Variants in PCDH15 observed in about 807,000 individuals in gnomAD.
The protein encoded by PCDH15 is protocadherin related 15, also known as protocadherin-15.
PCDH15 carries 129 observed loss-of-function variants against 178.5 expected under a neutral mutation model. The ratio of observed to expected loss-of-function variants is 0.72; its 90% CI spans 0.63 to 0.84. The LOEUF (loss-of-function observed/expected upper bound fraction) is 0.84. PCDH15 is among the 40% of genes least tolerant of loss of function. The pLI is 0.00. For missense variants in PCDH15, 2,230 were observed against 2,099.9 expected (o/e 1.06, Z -1.21); for synonymous variants, 800 against 732.0 (o/e 1.09, Z -1.50).
intron 2 of PCDH15, among the ~76,000 whole-genome samples, chr10:55,065,050 G>A (rs1267673906): frequency 6.6e-6 from 1 of 152,002 alleles, no homozygotes; most frequent in Non-Finnish European, 1.5e-5. Flanking sequence ...CAGCTAATTA[G>A]AAGGGCTGTC....
chr10:54,913,939 GAACT>G (rs1412444236), intron 2 of PCDH15, among the ~76,000 whole-genome samples: 2 of 152,152 alleles, frequency 1.3e-5, no homozygotes, highest in African/African-American at 4.8e-5. Flanking sequence ...CTGTATCTTA[GAACT>G]AACTATCTTG....
intron 2 of PCDH15, among the ~76,000 whole-genome samples, chr10:55,416,036 A>C (rs187026459): frequency 3.1e-5 from 4 of 129,456 alleles, no homozygotes; most frequent in African/African-American, 1.3e-4. Flanking sequence ...TTAAGGCAAA[A>C]AAACAAACAA....
Position 54,375,406 on chromosome 10 carries a change from C to A in PCDH15, c.318+3376G>T, listed in dbSNP as rs1948244628. Among the ~76,000 whole-genome samples, 5 of 152,072 alleles carry A rather than the reference C, an allele frequency of 3.3e-5. 1 individual carries two copies. The East Asian group carries it at 7.8e-4, about 24-fold the overall frequency. ...GGCAGAAACTAGAGACCATATGGTC[C>A]AAGACCAAGTAGTTTTCCTCTCTCC... is the stretch of plus-strand genomic sequence containing the variant. On this transcript the variant is annotated intron_variant, in intron 4 of 37. Transcript: ENST00000644397.
chr10:54,811,135 G>GTA (rs35181963), intron 3 of PCDH15, among the ~76,000 whole-genome samples: 16,393 of 150,816 alleles, frequency 0.11, 865 homozygotes, highest in Middle Eastern at 0.15. Context: ...AATATTATGT[G>GTA]TATATATATA....
At chr10:53,930,457 C>CAA (rs60673116) in intron 25 of PCDH15, among the ~76,000 whole-genome samples, 23 of 50,346 alleles carry the variant, frequency 4.6e-4, no homozygotes, top group African/African-American at 5.7e-4. Flanking sequence ...GACTCCCTCT[C>CAA]AAAAAAAAAA....
rs192151028 is a variant in PCDH15 at position 55,497,260 on chromosome 10, G to A, written c.-156+130365C>T. ...TTCTCCCACCTCAGCCTCCTGAGTA[G>A]CTAGGACTACAGGTGCACACCATGA... On this transcript the variant is annotated intron_variant, in intron 2 of 5. Transcript: ENST00000613346. Among the ~76,000 whole-genome samples the A allele has an allele frequency of 1.8e-3, 276 of 151,672 alleles. 2 individuals are homozygous for A. The highest frequency in any genetic ancestry group is 5.9e-3 in the African/African-American group (245 of 41,392).
At chr10:54,800,489 C>G (rs1385627764) in intron 1 of PCDH15, among the ~76,000 whole-genome samples, 1 of 152,124 alleles carries the variant, frequency 6.6e-6, no homozygotes, top group Non-Finnish European at 1.5e-5. Context: ...CCAACTATAA[C>G]CTCCAGCAAC....
In PCDH15 at chr10:55,062,317, A is replaced by C. The variant is rs543445177; in HGVS notation, c.-80+104259T>G. 7.2e-5 allele frequency among the ~76,000 whole-genome samples: 11 copies of C among 152,314 alleles called. No homozygotes were observed. In the East Asian group the frequency reaches 2.1e-3, roughly 29 times the overall value. On this transcript the variant is annotated intron_variant, in intron 2 of 5. Coordinates refer to the PCDH15 transcript ENST00000458638. ...CAGAAAGCTGGTCCCACTGACATCA[A>C]ATCTGCTGTTACCTTTATCTTGGAC...
intron 3 of PCDH15, among the ~76,000 whole-genome samples, chr10:54,877,164 T>C (rs1437580445): frequency 6.6e-6 from 1 of 152,174 alleles, no homozygotes; most frequent in Non-Finnish European, 1.5e-5. Flanking sequence ...AGGTATTTTC[T>C]AAATTAAAGA....
At chr10:54,881,639 T>C (rs1336071605) in intron 3 of PCDH15, among the ~76,000 whole-genome samples, 1 of 152,090 alleles carries the variant, frequency 6.6e-6, no homozygotes, top group Non-Finnish European at 1.5e-5. Flanking sequence ...CTGTGAATCA[T>C]CCGTAGTTAT....
chr10:55,301,809 A>T (rs1564985614), intron 1 of PCDH15, among the ~76,000 whole-genome samples: 1 of 152,120 alleles, frequency 6.6e-6, no homozygotes, highest in Non-Finnish European at 1.5e-5. Flanking sequence ...TTATATATGG[A>T]TGTTCAATTG....
chr10:54,026,967 G>A (rs981819491), intron 18 of PCDH15, among the ~76,000 whole-genome samples: 4 of 148,854 alleles, frequency 2.7e-5, no homozygotes, highest in Admixed American at 1.4e-4. Context: ...AGGAAATAAA[G>A]GGTATTCAAT....
chr10:55,393,778 C>T (rs914185581), intron 2 of PCDH15, among the ~76,000 whole-genome samples: 2 of 152,092 alleles, frequency 1.3e-5, no homozygotes, highest in African/African-American at 4.8e-5. Context: ...TTTGGATAAG[C>T]AACTATAGAC....
At chr10:54,567,228 T>C (rs2089175590) in intron 2 of PCDH15, among the ~76,000 whole-genome samples, 1 of 152,172 alleles carries the variant, frequency 6.6e-6, no homozygotes, top group Non-Finnish European at 1.5e-5. Flanking sequence ...ATATTTTGCA[T>C]AGCAGTCCTT....
In PCDH15 at chr10:54,577,848, A is replaced by AAATG. The variant is rs1185360126; in HGVS notation, c.92-49975_92-49972dup. Among the ~76,000 whole-genome samples the AAATG allele has an allele frequency of 1.6e-3, 26 of 16,054 alleles. No individual in the cohort carries two copies. In the Admixed American group the frequency reaches 0.019, roughly 12 times the overall value. The allele number at this position is 16,054 out of a possible 152,430, so 10.5% of individuals were successfully genotyped here. On this transcript the variant is annotated intron_variant, in intron 2 of 37. Coordinates refer to ENST00000644397, the MANE Select transcript of PCDH15 (RefSeq NM_001384140.1). ...GGCCAGTTCCTGTTTAAGCCTAAAT[A>AAATG]AATGAATAAATAAATAAATAAATAA...
chr10:55,094,194 A>G (rs1003159319), intron 2 of PCDH15, among the ~76,000 whole-genome samples: 9 of 152,168 alleles, frequency 5.9e-5, no homozygotes, highest in African/African-American at 1.9e-4. Context: ...CATATACACC[A>G]TGGAATACTA....
In PCDH15 at chr10:53,866,747, G is replaced by A; in HGVS notation, c.3612C>T (p.Ile1204=). Residue 1204 remains isoleucine (I), a synonymous_variant, in exon 27 of 38, where the codon ATC becomes ATT. Transcript: ENST00000644397. ...TATTATGGAAGAGCATAGCAGTTTT[G>A]ATAAGCCCTGTATATGTTTCCACTA... The part of the protein sequence containing the change: ...GFVVETYTGL[I]KTAMLFHNMR... 6.2e-7 allele frequency: 1 copy of A among 1,613,130 alleles called. No homozygotes were observed. The highest frequency in any genetic ancestry group is 8.5e-7 in the Non-Finnish European group (1 of 1,179,366).
chr10:55,582,628 A>ATATATATAT (rs780312007), intron 2 of PCDH15, among the ~76,000 whole-genome samples: 4 of 69,042 alleles, frequency 5.8e-5, no homozygotes, highest in African/African-American at 2.7e-4. Context: ...ATATATATAT[A>ATATATATAT]TTTTTTTTTT....
chr10:54,015,598 A>G (rs1205809926), intron 20 of PCDH15, among the ~76,000 whole-genome samples: 3 of 152,164 alleles, frequency 2.0e-5, no homozygotes, highest in African/African-American at 7.2e-5. Context: ...ATAATGCTGC[A>G]TACTTATAAG....
Sources: gnomAD v4.1 joint callset for allele counts (sites outside exome capture counted in the v4.1 genomes callset) on GRCh38, gnomAD v4.1.1 for gene constraint, MANE v1.5 for transcripts, NCBI Gene and HGNC (gene_info 2026-07-23, HGNC 2026-07-21) for gene names.